The following UBE2H variants were observed in gnomAD, a reference collection of about 807,000 sequenced individuals.
UBE2H encodes the protein ubiquitin conjugating enzyme E2 H, also known as ubiquitin-conjugating enzyme E2 H.
UBE2H carries 3 observed loss-of-function variants against 29.0 expected under a neutral mutation model. That is an observed-to-expected ratio of 0.10 (90% CI 0.05 to 0.27). The LOEUF (loss-of-function observed/expected upper bound fraction) is 0.27, where lower values mean the gene tolerates loss of function less well. UBE2H is among the 10% of genes least tolerant of loss of function. The pLI is 1.00. For synonymous variants in UBE2H, 69 were observed against 82.9 expected, an observed-to-expected ratio of 0.83 and a Z score of 0.91; for missense variants, 68 against 228.2, an observed-to-expected ratio of 0.30 and a Z score of 4.52.
chr7:129,889,649 T>C (rs1209879340), intron 1 of UBE2H, among the ~76,000 whole-genome samples: 1 of 152,154 alleles, frequency 6.6e-6, no homozygotes, highest in Non-Finnish European at 1.5e-5. Context: ...GAATTGTTTA[T>C]TTTGTTCACA....
intron 1 of UBE2H, among the ~76,000 whole-genome samples, chr7:129,900,531 AC>A (rs939942701): frequency 1.2e-4 from 18 of 152,006 alleles, no homozygotes; most frequent in African/African-American, 4.1e-4. Context: ...TTTCAACCTC[AC>A]CCCCATGTTT....
chr7:129,871,462 C>T (rs1363623370), intron 3 of UBE2H, among the ~76,000 whole-genome samples: 1 of 152,152 alleles, frequency 6.6e-6, no homozygotes, highest in Non-Finnish European at 1.5e-5. Context: ...CGCCTGTAAT[C>T]CCAGCACTTT....
rs1807900163 is a variant in UBE2H at position 129,952,490 on chromosome 7, C to T, written c.53+13G>A. 1.2e-6 allele frequency: 2 copies of T among 1,611,964 alleles called. No individual in the cohort carries two copies. The highest frequency in any genetic ancestry group is 1.7e-6 in the Non-Finnish European group (2 of 1,178,776). ...CCCCACACACAGCCCGAATTCCCCT[C>T]CACGAAGGATACAGCTTGACCACGT... On this transcript the variant is annotated intron_variant, in intron 1 of 6. Coordinates refer to ENST00000355621, the MANE Select transcript of UBE2H (RefSeq NM_003344.4).
chr7:129,850,841 G>A (rs1805595548), intron 5 of UBE2H, among the ~76,000 whole-genome samples: 1 of 144,230 alleles, frequency 6.9e-6, no homozygotes, highest in Admixed American at 7.0e-5. Flanking sequence ...GAGAGAGAAA[G>A]AGAGAGAGAG....
At chr7:129,918,185 A>G (rs927131872) in intron 1 of UBE2H, among the ~76,000 whole-genome samples, 1 of 152,174 alleles carries the variant, frequency 6.6e-6, no homozygotes, top group Non-Finnish European at 1.5e-5. Flanking sequence ...GCAATCTCTC[A>G]TATCATCACC....
At chr7:129,844,008 T>C (rs1172583279) in intron 5 of UBE2H, among the ~76,000 whole-genome samples, 1 of 152,224 alleles carries the variant, frequency 6.6e-6, no homozygotes, top group African/African-American at 2.4e-5. Flanking sequence ...CCTTTCCTAC[T>C]ACTTTTAAGT....
At chr7:129,888,888 G>C (rs1584767360) in intron 1 of UBE2H, among the ~76,000 whole-genome samples, 1 of 152,310 alleles carries the variant, frequency 6.6e-6, no homozygotes, top group East Asian at 1.9e-4. Flanking sequence ...TAATACTATA[G>C]CTTAGAGTAG....
At chr7:129,857,702 G>T in intron 4 of UBE2H, 139 bp from the exon 5 acceptor site, 1 of 890,244 alleles carries the variant, frequency 1.1e-6, no homozygotes, top group Non-Finnish European at 1.7e-6. Context: ...GGAAAAGTAT[G>T]ATGAGGAACA....
chr7:129,850,129 G>T (rs1310385219), intron 5 of UBE2H, among the ~76,000 whole-genome samples: 2 of 152,186 alleles, frequency 1.3e-5, no homozygotes, highest in South Asian at 2.1e-4. Context: ...CACTTTGGGA[G>T]GCCCAGGTGG....
At chr7:129,928,162 G>A (rs558459813) in intron 1 of UBE2H, among the ~76,000 whole-genome samples, 3 of 151,782 alleles carry the variant, frequency 2.0e-5, no homozygotes, top group Non-Finnish European at 2.9e-5. Context: ...GAAACCCTGT[G>A]CCTACTAAAA....
At chr7:129,936,625 T>C (rs1807534137) in intron 1 of UBE2H, among the ~76,000 whole-genome samples, 1 of 149,852 alleles carries the variant, frequency 6.7e-6, no homozygotes, top group African/African-American at 2.5e-5. Flanking sequence ...TTTCTAATTC[T>C]CATTAAGCAA....
chr7:129,857,256 C>T lies in UBE2H; in HGVS notation c.298+255G>A, dbSNP rs142734946. ...ATGTATTCATGTGTGTGCGCATGTA[C>T]TCATGTGTGTGCACATGTATCACTA... is the stretch of plus-strand genomic sequence containing the variant. On this transcript the variant is annotated intron_variant, in intron 5 of 6. Transcript: ENST00000355621. 218 of 498,910 alleles carry T rather than the reference C, an allele frequency of 4.4e-4. 1 individual carries two copies. The highest frequency in any genetic ancestry group is 3.7e-3 in the African/African-American group (186 of 50,792). 30.9% of individuals were successfully genotyped at this position (498,910 alleles called of 1,614,324 possible).
intron 1 of UBE2H, among the ~76,000 whole-genome samples, chr7:129,935,279 T>TAGTGCATGCC (rs1807503808): frequency 6.6e-6 from 1 of 151,486 alleles, no homozygotes; most frequent in South Asian, 2.1e-4. Context: ...CTGGGCGTGG[T>TAGTGCATGCC]AGTGCATGCC....
intron 1 of UBE2H, among the ~76,000 whole-genome samples, chr7:129,940,414 CT>C (rs1288832788): frequency 6.6e-6 from 1 of 152,066 alleles, no homozygotes; most frequent in Non-Finnish European, 1.5e-5. Context: ...GAACAGGTGC[CT>C]TTTTTGAGTC....
intron 1 of UBE2H, among the ~76,000 whole-genome samples, chr7:129,944,573 G>GT (rs1807716079): frequency 6.6e-6 from 1 of 152,110 alleles, no homozygotes; most frequent in Non-Finnish European, 1.5e-5. Flanking sequence ...CTGGCCAACA[G>GT]TGAGACCTCA....
At chr7:129,859,199 T>A (rs1278732491) in intron 3 of UBE2H, among the ~76,000 whole-genome samples, 1 of 152,200 alleles carries the variant, frequency 6.6e-6, no homozygotes, top group Non-Finnish European at 1.5e-5. Flanking sequence ...TTAAAGCAAC[T>A]GTTTTCTGAG....
chr7:129,905,521 T>C (rs910888544), intron 1 of UBE2H, among the ~76,000 whole-genome samples: 1 of 152,166 alleles, frequency 6.6e-6, no homozygotes, highest in Admixed American at 6.5e-5. Flanking sequence ...TCTGATGCCA[T>C]GGAAGTAGAT....
At chr7:129,897,526 G>A (rs1010634147) in intron 1 of UBE2H, among the ~76,000 whole-genome samples, 5 of 152,082 alleles carry the variant, frequency 3.3e-5, no homozygotes, top group African/African-American at 4.8e-5. Flanking sequence ...ACTAGACTTC[G>A]GCCTTTTTAA....
intron 1 of UBE2H, among the ~76,000 whole-genome samples, chr7:129,925,397 A>G (rs1247384373): frequency 1.3e-5 from 2 of 151,912 alleles, no homozygotes; most frequent in African/African-American, 4.8e-5. Flanking sequence ...CTCCAGGTGG[A>G]AAAAAAACAA....
Sources: allele counts gnomAD v4.1 joint callset (sites outside exome capture counted in the v4.1 genomes callset), GRCh38; gene constraint gnomAD v4.1.1; transcripts MANE v1.5; gene names NCBI Gene and HGNC (gene_info 2026-07-23, HGNC 2026-07-21).